DENND2B: variants seen among roughly 807,000 people sequenced by gnomAD.
DENND2B encodes the protein DENN domain containing 2B.
In DENND2B, 32 loss-of-function variants were observed where a neutral mutation model predicts 116.0. The observed-to-expected ratio is 0.28, with a 90% CI of 0.21 to 0.37. The LOEUF (loss-of-function observed/expected upper bound fraction) is 0.37. Among genes scored for constraint, DENND2B ranks in the 10% least tolerant of loss-of-function variants. DENND2B has a pLI of 1.00. For missense variants in DENND2B, 1,276 were observed against 1,477.7 expected (o/e 0.86, Z 2.24); for synonymous variants, 588 against 583.9 (o/e 1.01, Z -0.10).
intron 3 of DENND2B, among the ~76,000 whole-genome samples, chr11:8,728,315 A>T (rs181634588): frequency 5.2e-4 from 79 of 152,224 alleles, no homozygotes; most frequent in South Asian, 1.9e-3. Context: ...CATTTTTTTT[A>T]AAATAAAAAA....
chr11:8,881,546 G>A (rs1270620771), intron 1 of DENND2B, among the ~76,000 whole-genome samples: 2 of 151,892 alleles, frequency 1.3e-5, no homozygotes, highest in African/African-American at 4.8e-5. Context: ...CTTTTTGTTT[G>A]TTTGTTTTTG....
chr11:8,823,507 C>T (rs1332956987), intron 4 of DENND2B, among the ~76,000 whole-genome samples: 1 of 152,206 alleles, frequency 6.6e-6, no homozygotes, highest in Non-Finnish European at 1.5e-5. Context: ...CCCCAGGTGT[C>T]ATGGGAAGGA....
chr11:8,776,244 T>TAACATGA, intron 1 of DENND2B: 1 of 456,090 alleles, frequency 2.2e-6, no homozygotes, highest in Non-Finnish European at 4.4e-6. Context: ...TGTCCATTTC[T>TAACATGA]GCCCCATGTT....
At chr11:8,809,250 C>G (rs751239681) in intron 1 of DENND2B, 1 of 152,244 alleles carries the variant, frequency 6.6e-6, no homozygotes, top group African/African-American at 2.4e-5. Flanking sequence ...GGAGCCGGAA[C>G]TGGGGACATG....
chr11:8,817,168 G>T (rs1566011366), intron 4 of DENND2B, among the ~76,000 whole-genome samples: 1 of 152,172 alleles, frequency 6.6e-6, no homozygotes, highest in East Asian at 1.9e-4. Context: ...CTATCCATAA[G>T]TCTGAGACAA....
In DENND2B at chr11:8,884,025, T is replaced by A. The variant is rs2063931125; in HGVS notation, c.-255-2916A>T. The stretch of plus-strand genomic sequence containing the variant: ...TGGCTAGGTCAGTAATTTCTTTGTA[T>A]CTTAGTTGACTTCTTAGATTTTCCT... On this transcript the variant is annotated intron_variant, in intron 1 of 22. Transcript: ENST00000534127. Among the ~76,000 whole-genome samples, 3 of 152,230 alleles carry A rather than the reference T, an allele frequency of 2.0e-5. No individual in the cohort carries two copies. In the South Asian group the frequency reaches 6.2e-4, roughly 31 times the overall value.
intron 2 of DENND2B, among the ~76,000 whole-genome samples, chr11:8,737,562 G>A (rs1272372461): frequency 6.6e-6 from 1 of 152,190 alleles, no homozygotes; most frequent in Non-Finnish European, 1.5e-5. Flanking sequence ...AGTGGAGACA[G>A]AGTACAGACA....
chr11:8,777,982 C>A (rs1218248124), intron 1 of DENND2B, among the ~76,000 whole-genome samples: 4 of 152,218 alleles, frequency 2.6e-5, no homozygotes, highest in African/African-American at 9.6e-5. Context: ...GTCTCAGTCT[C>A]TACTAAGGAA....
intron 1 of DENND2B, among the ~76,000 whole-genome samples, chr11:8,898,685 T>A (rs2064130551): frequency 6.6e-6 from 1 of 152,230 alleles, no homozygotes; most frequent in Non-Finnish European, 1.5e-5. Flanking sequence ...ATTTACATAT[T>A]GTCTATGGCT....
chr11:8,755,313 A>C (rs1201065974), intron 1 of DENND2B, among the ~76,000 whole-genome samples: 1 of 152,236 alleles, frequency 6.6e-6, no homozygotes, highest in Non-Finnish European at 1.5e-5. Context: ...AGACCATCTT[A>C]CTTATTACTT....
chr11:8,834,925 T>C (rs2062360534), intron 4 of DENND2B, among the ~76,000 whole-genome samples: 2 of 152,048 alleles, frequency 1.3e-5, no homozygotes, highest in Admixed American at 6.5e-5. Context: ...ATACTAGCAA[T>C]AAAACAAAAT....
upstream of DENND2B, among the ~76,000 whole-genome samples, chr11:8,874,456 T>C (rs953691558): frequency 6.6e-6 from 1 of 152,202 alleles, no homozygotes; most frequent in Non-Finnish European, 1.5e-5. Flanking sequence ...CATGGTGAGT[T>C]GTCTGGGTTT....
chr11:8,864,901 C>T (rs1340730731), intron 2 of DENND2B, among the ~76,000 whole-genome samples: 1 of 152,088 alleles, frequency 6.6e-6, no homozygotes, highest in Non-Finnish European at 1.5e-5. Flanking sequence ...TCAAACTTGT[C>T]CTTGGCTAAA....
chr11:8,829,881 A>G (rs938639935), intron 4 of DENND2B, among the ~76,000 whole-genome samples: 6 of 152,192 alleles, frequency 3.9e-5, no homozygotes, highest in African/African-American at 1.2e-4. Flanking sequence ...AGTGCTTTGA[A>G]AAGTCCAAGT....
At chr11:8,896,420 A>G (rs1035061510) in intron 1 of DENND2B, among the ~76,000 whole-genome samples, 1 of 152,184 alleles carries the variant, frequency 6.6e-6, no homozygotes, top group Non-Finnish European at 1.5e-5. Flanking sequence ...ATTTTTGAAA[A>G]CTGCTGGATC....
At chr11:8,903,348 C>A (rs769759986) in intron 1 of DENND2B, among the ~76,000 whole-genome samples, 1 of 150,714 alleles carries the variant, frequency 6.6e-6, no homozygotes, top group Non-Finnish European at 1.5e-5. Context: ...ACCTGGGAGG[C>A]GGAGATTGTA....
At chr11:8,844,805 G>T (rs563436616) in intron 3 of DENND2B, among the ~76,000 whole-genome samples, 1 of 151,898 alleles carries the variant, frequency 6.6e-6, no homozygotes, top group Admixed American at 6.6e-5. Context: ...CATAATCATA[G>T]CTCACTGCAG....
At position 8,821,590 on chromosome 11, in the gene DENND2B, GAACT is replaced by G. The variant is rs1406626449; in HGVS notation, c.-114-10259_-114-10256del. Reference sequence around the variant, plus strand: ...AGAGATCCTGTCTCAAAAAAAAAAAGAACTAACTTTAAATGGCAATTACGAAGAC... The same window carrying G: ...AGAGATCCTGTCTCAAAAAAAAAAAGAACTTTAAATGGCAATTACGAAGAC... On this transcript the variant is annotated intron_variant, in intron 4 of 6. Coordinates refer to the DENND2B transcript ENST00000524757. 1.0e-4 allele frequency among the ~76,000 whole-genome samples: 15 copies of G among 146,948 alleles called. No individual in the cohort carries two copies. In the East Asian group the frequency reaches 1.4e-3, roughly 14 times the overall value.
upstream of DENND2B, among the ~76,000 whole-genome samples, chr11:8,812,925 TCCCAAAAA>T (rs11279390): frequency 0.95 from 144,324 of 152,114 alleles, 68,926 homozygotes; most frequent in East Asian, 1. Flanking sequence ...AAAACAGTGC[TCCCAAAAA>T]AAAGGTCCTG....
Sources: allele counts gnomAD v4.1 joint callset (sites outside exome capture counted in the v4.1 genomes callset), GRCh38; gene constraint gnomAD v4.1.1; transcripts MANE v1.5; gene names NCBI Gene and HGNC (gene_info 2026-07-23, HGNC 2026-07-21).